Variants in C12orf50 observed in about 807,000 individuals in gnomAD.
C12orf50 encodes the protein zinc finger CCCH-type containing 11D, also known as uncharacterized protein C12orf50.
Under a neutral mutation model 61.6 loss-of-function variants are expected in C12orf50, and 35 were observed. The ratio of observed to expected loss-of-function variants is 0.57; its 90% CI spans 0.43 to 0.75. C12orf50 has a LOEUF of 0.75. C12orf50 is among the 30% of genes least tolerant of loss of function. The pLI is 0.00. For missense variants in C12orf50, 475 were observed against 488.5 expected (o/e 0.97, Z 0.26); for synonymous variants, 178 against 161.5 (o/e 1.10, Z -0.77).
At chr12:88,019,770 A>T (rs547712878) in intron 3 of C12orf50, among the ~76,000 whole-genome samples, 3 of 152,326 alleles carry the variant, frequency 2.0e-5, no homozygotes, top group African/African-American at 7.2e-5. Context: ...AAGAAAAAAA[A>T]TGTTAAAGAC....
intron 3 of C12orf50, among the ~76,000 whole-genome samples, chr12:88,008,067 T>A (rs2136457206): frequency 6.6e-6 from 1 of 152,022 alleles, no homozygotes; most frequent in African/African-American, 2.4e-5. Flanking sequence ...GCTTTTTTTT[T>A]TATCTTTTCT....
chr12:87,992,548 A>T (rs1257646280), intron 7 of C12orf50, among the ~76,000 whole-genome samples: 2 of 152,198 alleles, frequency 1.3e-5, no homozygotes, highest in African/African-American at 4.8e-5. Context: ...TTACTGCTAC[A>T]ATCAACATCA....
intron 8 of C12orf50, among the ~76,000 whole-genome samples, 163 bp downstream of exon 8, chr12:87,989,101 A>G (rs1255300546): frequency 2.0e-5 from 3 of 152,104 alleles, no homozygotes; most frequent in Non-Finnish European, 4.4e-5. Context: ...ATGGTCATAC[A>G]GTTAGGGGCA....
intron 3 of C12orf50, among the ~76,000 whole-genome samples, chr12:88,003,255 T>C (rs1235776874): frequency 6.6e-6 from 1 of 151,946 alleles, no homozygotes; most frequent in Non-Finnish European, 1.5e-5. Context: ...TTTGTGTGGC[T>C]ATTATTAAAT....
chr12:88,006,811 G>A (rs562644307), intron 3 of C12orf50, among the ~76,000 whole-genome samples: 2 of 152,320 alleles, frequency 1.3e-5, no homozygotes, highest in African/African-American at 2.4e-5. Flanking sequence ...GAAGCTGGAC[G>A]TAGAAAGAGC....
At chr12:87,991,002 A>G (rs2031094934) in intron 7 of C12orf50, among the ~76,000 whole-genome samples, 1 of 152,136 alleles carries the variant, frequency 6.6e-6, no homozygotes, top group South Asian at 2.1e-4. Flanking sequence ...TTGCCAGAGT[A>G]GAGGTATCTT....
chr12:88,011,195 A>G (rs936436997), intron 3 of C12orf50, among the ~76,000 whole-genome samples: 9 of 152,094 alleles, frequency 5.9e-5, no homozygotes, highest in African/African-American at 1.7e-4. Context: ...TCTCTTAGGT[A>G]AAGTGTATCA....
intron 3 of C12orf50, among the ~76,000 whole-genome samples, chr12:88,010,398 CTTATAATAAGA>C (rs1565755113): frequency 9.2e-6 from 1 of 109,142 alleles, no homozygotes; most frequent in Non-Finnish European, 1.6e-5. Flanking sequence ...TTATTATAAT[CTTATAATAAGA>C]TTATAAGATT....
At chr12:88,026,710 T>A in intron 2 of C12orf50, 102 bp from the exon 3 acceptor site, 2 of 1,443,982 alleles carry the variant, frequency 1.4e-6, no homozygotes, top group Non-Finnish European at 1.9e-6. Context: ...ACAATTATAG[T>A]TAACTGATTT....
At chr12:87,995,875 A>G (rs1487247664) in intron 6 of C12orf50, among the ~76,000 whole-genome samples, 1 of 152,166 alleles carries the variant, frequency 6.6e-6, no homozygotes, top group Non-Finnish European at 1.5e-5. Context: ...CAGATTCTCC[A>G]AAGGTAAGCG....
At chr12:87,997,943 T>C in intron 4 of C12orf50, 92 bp downstream of exon 4, 2 of 961,690 alleles carry the variant, frequency 2.1e-6, no homozygotes, top group Non-Finnish European at 3.0e-6. Context: ...CTGCCTTATA[T>C]ATTACATCAT....
intron 3 of C12orf50, among the ~76,000 whole-genome samples, chr12:88,003,217 T>C (rs528201403): frequency 6.6e-6 from 1 of 152,046 alleles, no homozygotes; most frequent in South Asian, 2.1e-4. Context: ...TTCTTTGTCA[T>C]CATACAGTTT....
At chr12:88,019,842 C>T (rs1377785721) in intron 3 of C12orf50, among the ~76,000 whole-genome samples, 1 of 152,168 alleles carries the variant, frequency 6.6e-6, no homozygotes, top group African/African-American at 2.4e-5. Context: ...GTGAACCTTT[C>T]AGAAGAAACC....
At chr12:87,981,407 T>C (rs2030462231) in intron 12 of C12orf50, among the ~76,000 whole-genome samples, 1 of 152,160 alleles carries the variant, frequency 6.6e-6, no homozygotes, top group African/African-American at 2.4e-5. Flanking sequence ...TGAAATTTAA[T>C]GTGTATCTTA....
At chr12:88,022,625 G>A (rs1329274358) in intron 3 of C12orf50, among the ~76,000 whole-genome samples, 1 of 152,108 alleles carries the variant, frequency 6.6e-6, no homozygotes, top group Non-Finnish European at 1.5e-5. Context: ...CTGCCCAAAA[G>A]TGCTTTGATC....
intron 3 of C12orf50, among the ~76,000 whole-genome samples, chr12:88,006,468 G>C (rs912522534): frequency 6.6e-6 from 1 of 152,160 alleles, no homozygotes; most frequent in African/African-American, 2.4e-5. Context: ...CAGTGCTAAT[G>C]CTAAGAGCAA....
chr12:87,995,914 C>T (rs2031366733), intron 6 of C12orf50, among the ~76,000 whole-genome samples: 1 of 152,196 alleles, frequency 6.6e-6, no homozygotes, highest in Non-Finnish European at 1.5e-5. Context: ...TCGATTTGTT[C>T]TCCAGCATGG....
chr12:88,006,638 C>A (rs1320244060), intron 3 of C12orf50, among the ~76,000 whole-genome samples: 1 of 152,134 alleles, frequency 6.6e-6, no homozygotes, highest in East Asian at 1.9e-4. Flanking sequence ...TTATTCCTAG[C>A]CTGCTGCACG....
intron 6 of C12orf50, among the ~76,000 whole-genome samples, chr12:87,995,899 A>G (rs893809367): frequency 2.6e-5 from 4 of 152,198 alleles, no homozygotes; most frequent in African/African-American, 9.7e-5. Flanking sequence ...TAAAAAGCAG[A>G]GCCTTCGATT....
Sources: gnomAD v4.1 joint callset for allele counts (sites outside exome capture counted in the v4.1 genomes callset) on GRCh38, gnomAD v4.1.1 for gene constraint, MANE v1.5 for transcripts, NCBI Gene and HGNC (gene_info 2026-07-23, HGNC 2026-07-21) for gene names.